Variants in CCDC7 observed in about 807,000 individuals in gnomAD.
CCDC7 encodes the protein coiled-coil domain containing 7, also known as coiled-coil domain-containing protein 7.
In CCDC7, 183 loss-of-function variants were observed where a neutral mutation model predicts 196.9. The observed-to-expected ratio is 0.93, with a 90% CI of 0.82 to 1.05. The LOEUF (loss-of-function observed/expected upper bound fraction) is 1.05. Ranked by LOEUF, CCDC7 falls within the 50% of genes least tolerant of loss-of-function variation. The pLI is 0.00. For missense variants in CCDC7, 1,540 were observed against 1,482.2 expected (o/e 1.04, Z -0.64); for synonymous variants, 525 against 484.6 (o/e 1.08, Z -1.10).
rs186907334 is a variant in CCDC7 at position 32,485,035 on chromosome 10, G to A, written c.797-6887G>A. ...CATAAAATGAGTTAGGGAGCATTCC[G>A]TCTTTTTCTATTGATTGGAATAGTT... On this transcript the variant is annotated intron_variant, in intron 8 of 41. Coordinates refer to ENST00000639629, the Ensembl canonical transcript of CCDC7. 2.9e-3 allele frequency among the ~76,000 whole-genome samples: 439 copies of A among 152,220 alleles called. 2 individuals carry two copies. Among genetic ancestry groups the A allele is most frequent in the African/African-American group, 0.01 (416 of 41,558 alleles).
At chr10:32,746,590 C>A (rs1418454600) in intron 28 of CCDC7, among the ~76,000 whole-genome samples, 1 of 152,152 alleles carries the variant, frequency 6.6e-6, no homozygotes, top group Non-Finnish European at 1.5e-5. Context: ...TATCTGCACA[C>A]CTCCCTGTCT....
At chr10:32,873,900 G>A (rs2094514464) in intron 41 of CCDC7, among the ~76,000 whole-genome samples, 1 of 151,684 alleles carries the variant, frequency 6.6e-6, no homozygotes, top group African/African-American at 2.4e-5. Context: ...GTTATTGTCT[G>A]TCTGTCTTAT....
At chr10:32,496,823 G>T (rs2134689620) in intron 9 of CCDC7, among the ~76,000 whole-genome samples, 2 of 152,308 alleles carry the variant, frequency 1.3e-5, no homozygotes, top group Middle Eastern at 3.4e-3. Context: ...TCTCATTGAT[G>T]TTCATCAGGG....
At position 32,804,158 on chromosome 10, in the gene CCDC7, G is replaced by C. The variant is rs1215218994; in HGVS notation, c.3014-857G>C. Among the ~76,000 whole-genome samples the C allele has an allele frequency of 2.6e-5, 4 of 152,116 alleles. No individual in the cohort carries two copies. In the South Asian group the frequency reaches 6.2e-4, roughly 24 times the overall value. On this transcript the variant is annotated intron_variant, in intron 29 of 41. Coordinates refer to ENST00000639629, the Ensembl canonical transcript of CCDC7. The stretch of plus-strand genomic sequence containing the variant: ...GTAGGCACATGTGCTGCTGGAACTA[G>C]ATTTCACTGACAAAACTTTAGTCCC...
At chr10:32,714,941 A>G (rs553657729) in intron 25 of CCDC7, among the ~76,000 whole-genome samples, 15 of 152,210 alleles carry the variant, frequency 9.9e-5, no homozygotes, top group Admixed American at 9.2e-4. Flanking sequence ...GGGACAGAGC[A>G]TCTGGGGGAA....
intron 18 of CCDC7, among the ~76,000 whole-genome samples, chr10:32,591,714 G>T (rs970954072): frequency 2.0e-5 from 3 of 152,146 alleles, no homozygotes; most frequent in African/African-American, 7.2e-5. Flanking sequence ...CCCATGGGGA[G>T]TGCTGCCAGG....
At chr10:32,788,836 C>T (rs1233742778) in intron 29 of CCDC7, among the ~76,000 whole-genome samples, 2 of 152,070 alleles carry the variant, frequency 1.3e-5, no homozygotes, top group Admixed American at 1.3e-4. Context: ...TGGGCCCAGT[C>T]AATTGGTTCA....
At chr10:32,741,381 G>A (rs180940390) in intron 28 of CCDC7, among the ~76,000 whole-genome samples, 2 of 152,174 alleles carry the variant, frequency 1.3e-5, no homozygotes, top group African/African-American at 4.8e-5. Context: ...GGAGAAGTTT[G>A]TTCTTTGGTT....
intron 5 of CCDC7, among the ~76,000 whole-genome samples, chr10:32,465,349 C>T (rs923989650): frequency 6.6e-6 from 1 of 152,106 alleles, no homozygotes; most frequent in Non-Finnish European, 1.5e-5. Flanking sequence ...AAACATTTCT[C>T]AATCTATCCA....
At chr10:32,521,081 C>T (rs1031435255) in intron 11 of CCDC7, among the ~76,000 whole-genome samples, 3 of 152,000 alleles carry the variant, frequency 2.0e-5, no homozygotes, top group Non-Finnish European at 2.9e-5. Flanking sequence ...GTCTATGTGT[C>T]GGCTTTTTTG....
intron 13 of CCDC7, among the ~76,000 whole-genome samples, chr10:32,548,264 G>T (rs2052829288): frequency 1.3e-5 from 2 of 152,052 alleles, no homozygotes; most frequent in South Asian, 2.1e-4. Flanking sequence ...AGCTAATTCC[G>T]ATTGGCTATT....
chr10:32,463,060 C>T lies in CCDC7; in HGVS notation c.510+11C>T, dbSNP rs199697638. 35 of 1,612,722 alleles carry T rather than the reference C, an allele frequency of 2.2e-5. No homozygotes were observed. The East Asian group carries it at 6.5e-4, about 30-fold the overall frequency. On this transcript the variant is annotated intron_variant, in intron 5 of 41. Transcript: ENST00000639629. ...AATCAGATGGAAGAAGTAAGTCTAA[C>T]GTTTTAAAATTGTTAAGTTAATATT...
Position 32,702,917 on chromosome 10 carries a change from G to A in CCDC7, c.2458+7925G>A, listed in dbSNP as rs979515233. On this transcript the variant is annotated intron_variant, in intron 24 of 41. Transcript: ENST00000639629. ...TTTGAGCCTATGTGTGTCTCTGCAC[G>A]TGAGATGGGTTTCCTGAATACAGCA... 5.9e-5 allele frequency among the ~76,000 whole-genome samples: 9 copies of A among 152,212 alleles called. No individual in the cohort carries two copies. The South Asian group carries it at 8.3e-4, about 14-fold the overall frequency.
At chr10:32,667,929 G>T (rs895462884) in intron 21 of CCDC7, among the ~76,000 whole-genome samples, 1 of 152,032 alleles carries the variant, frequency 6.6e-6, no homozygotes, top group Non-Finnish European at 1.5e-5. Context: ...GCTTGATGGG[G>T]ATGGCATTGA....
Position 32,625,248 on chromosome 10 carries a change from A to T in CCDC7, c.1802-9006A>T, listed in dbSNP as rs1759663. On this transcript the variant is annotated intron_variant, in intron 18 of 41. Coordinates refer to ENST00000639629, the Ensembl canonical transcript of CCDC7. Reference sequence around the variant, plus strand: ...TGTGGATATCCAATTTTCTCAACCTAATTTAAGGAATTATGTTTTCTTCAT... The same window carrying T: ...TGTGGATATCCAATTTTCTCAACCTTATTTAAGGAATTATGTTTTCTTCAT... Among the ~76,000 whole-genome samples the T allele has an allele frequency of 2.0e-5, 3 of 151,408 alleles. No homozygotes were observed. In the East Asian group the frequency reaches 5.8e-4, roughly 29 times the overall value.
At chr10:32,736,384 T>G (rs2084873875) in intron 28 of CCDC7, among the ~76,000 whole-genome samples, 1 of 152,172 alleles carries the variant, frequency 6.6e-6, no homozygotes, top group Non-Finnish European at 1.5e-5. Flanking sequence ...GGTTAATATT[T>G]TTTTAATTTT....
intron 8 of CCDC7, among the ~76,000 whole-genome samples, chr10:32,488,334 A>G (rs1201667907): frequency 6.6e-6 from 1 of 152,194 alleles, no homozygotes; most frequent in Non-Finnish European, 1.5e-5. Context: ...ACCATTGGAA[A>G]AGCGCGGTAT....
At chr10:32,603,078 G>A (rs1314650056) in intron 18 of CCDC7, among the ~76,000 whole-genome samples, 4 of 151,836 alleles carry the variant, frequency 2.6e-5, no homozygotes, top group African/African-American at 4.8e-5. Flanking sequence ...GTGTTTTAAC[G>A]CATTAGCTAA....
At chr10:32,827,321 C>A (rs1270801177) in intron 32 of CCDC7, among the ~76,000 whole-genome samples, 1 of 152,200 alleles carries the variant, frequency 6.6e-6, no homozygotes, top group African/African-American at 2.4e-5. Flanking sequence ...CTATATGGCA[C>A]CATTCCTCGG....
Sources: allele counts gnomAD v4.1 joint callset (sites outside exome capture counted in the v4.1 genomes callset), GRCh38; gene constraint gnomAD v4.1.1; transcripts MANE v1.5; gene names NCBI Gene and HGNC (gene_info 2026-07-23, HGNC 2026-07-21).